Variants in QKI observed in about 807,000 individuals in gnomAD.
QKI encodes QKI, KH domain containing RNA binding.
QKI carries 10 observed loss-of-function variants against 39.0 expected under a neutral mutation model. The ratio of observed to expected loss-of-function variants is 0.26; its 90% CI spans 0.16 to 0.43. QKI has a LOEUF of 0.43. Ranked by LOEUF, QKI falls within the 20% of genes least tolerant of loss-of-function variation. The probability of loss-of-function intolerance (pLI) is 1.00; values close to 1 mark genes in which losing one functional copy is unlikely to be tolerated. For missense variants in QKI, 218 were observed against 428.0 expected (o/e 0.51, Z 4.33); for synonymous variants, 204 against 155.4 (o/e 1.31, Z -2.33).
intron 4 of QKI, among the ~76,000 whole-genome samples, chr6:163,549,879 C>T (rs1782121012): frequency 1.3e-5 from 2 of 152,178 alleles, no homozygotes; most frequent in South Asian, 4.1e-4. Flanking sequence ...ACTTTTTTAA[C>T]AGGTGTTTTA....
rs1375016973 is a variant in QKI, at chr6:163,576,835, C to A, written c.*6125C>A. The A allele has an allele frequency of 6.6e-6, 1 of 152,188 alleles. No homozygotes were observed. Among genetic ancestry groups the A allele is most frequent in the Non-Finnish European group, 1.5e-5 (1 of 68,042 alleles). The allele number at this position is 152,188 out of a possible 1,614,324, so 9.4% of individuals were successfully genotyped here. Reference sequence around the variant, plus strand: ...AAAGAAAATGTAAGAATTTGACATTCTGGAGTTATTATAACATTAGAAAAT... The same window carrying A: ...AAAGAAAATGTAAGAATTTGACATTATGGAGTTATTATAACATTAGAAAAT... On this transcript the variant is annotated 3_prime_UTR_variant, in exon 8 of 8. Transcript: ENST00000361752.
At chr6:163,490,775 G>C (rs1270652621) in intron 3 of QKI, among the ~76,000 whole-genome samples, 3 of 152,168 alleles carry the variant, frequency 2.0e-5, no homozygotes, top group Admixed American at 6.6e-5. Context: ...CTTGACAGTA[G>C]TGGAAGAGAT....
At chr6:163,551,495 T>A (rs1415937972) in intron 4 of QKI, among the ~76,000 whole-genome samples, 1 of 152,218 alleles carries the variant, frequency 6.6e-6, no homozygotes, top group African/African-American at 2.4e-5. Flanking sequence ...TCATTAGACA[T>A]CTGATGAAAC....
intron 4 of QKI, among the ~76,000 whole-genome samples, chr6:163,556,352 A>G (rs1359894491): frequency 3.3e-5 from 5 of 152,040 alleles, no homozygotes; most frequent in African/African-American, 7.2e-5. Flanking sequence ...ATCTCTACTA[A>G]ATACAAAAAA....
At chr6:163,528,098 A>G (rs1780622814) in intron 3 of QKI, among the ~76,000 whole-genome samples, 1 of 152,138 alleles carries the variant, frequency 6.6e-6, no homozygotes, top group South Asian at 2.1e-4. Context: ...ACTTACTCAG[A>G]AATTCATTTA....
At chr6:163,541,519 T>G (rs569327390) in intron 4 of QKI, among the ~76,000 whole-genome samples, 4 of 150,672 alleles carry the variant, frequency 2.7e-5, no homozygotes, top group Non-Finnish European at 5.9e-5. Context: ...TTTCCTTTTC[T>G]CTAGTTTTGT....
chr6:163,505,760 G>T (rs1779053634), intron 3 of QKI, among the ~76,000 whole-genome samples: 1 of 152,128 alleles, frequency 6.6e-6, no homozygotes, highest in Non-Finnish European at 1.5e-5. Context: ...CTCAGACTTT[G>T]ACTTTTGGGT....
chr6:163,569,528 C>T, intron 7 of QKI: 2 of 1,234,348 alleles, frequency 1.6e-6, no homozygotes, highest in African/African-American at 3.2e-5. Flanking sequence ...AATTATACTA[C>T]TGTTAAGTGG....
Position 163,415,171 on chromosome 6 carries a change from G to A in QKI, c.-23G>A, listed in dbSNP as rs748446416. ...GCGGCGGCGGCGGCGGCGGCGGGCG[G>A]AGTGAGCTGCGGAGCCTGGAATATG... On this transcript the variant is annotated 5_prime_UTR_variant, in exon 1 of 8. Transcript: ENST00000361752. The A allele has an allele frequency of 1.4e-6, 2 of 1,471,314 alleles. No individual in the cohort carries two copies. The highest frequency in any genetic ancestry group is 1.8e-6 in the Non-Finnish European group (2 of 1,099,250). 91.1% of individuals were successfully genotyped at this position (1,471,314 alleles called of 1,614,324 possible).
intron 3 of QKI, among the ~76,000 whole-genome samples, chr6:163,510,734 TAAC>T (rs992389091): frequency 6.6e-6 from 1 of 152,198 alleles, no homozygotes; most frequent in Non-Finnish European, 1.5e-5. Flanking sequence ...TTCTTCATAG[TAAC>T]AAAAGTTCAT....
intron 3 of QKI, among the ~76,000 whole-genome samples, chr6:163,524,922 G>A (rs892983161): frequency 7.9e-5 from 12 of 152,182 alleles, no homozygotes; most frequent in African/African-American, 2.9e-4. Context: ...GCTCTGAGAT[G>A]TAAGTACTAT....
chr6:163,522,177 A>T (rs1160490755), intron 3 of QKI, among the ~76,000 whole-genome samples: 1 of 152,162 alleles, frequency 6.6e-6, no homozygotes, highest in Non-Finnish European at 1.5e-5. Flanking sequence ...TATAACCTTG[A>T]TCAGTCAACC....
chr6:163,525,341 C>T (rs1311848201), intron 3 of QKI, among the ~76,000 whole-genome samples: 1 of 143,484 alleles, frequency 7.0e-6, no homozygotes, highest in Non-Finnish European at 1.5e-5. Flanking sequence ...TCTCTCTCTT[C>T]TTTCTTCTTT....
At chr6:163,564,297 G>A (rs990071209) in intron 6 of QKI, 1 of 998,448 alleles carries the variant, frequency 1.0e-6, no homozygotes, top group African/African-American at 1.7e-5. Context: ...GTACATCATA[G>A]AGTGTACTTA....
chr6:163,426,243 CTT>C (rs1301275880), intron 1 of QKI, among the ~76,000 whole-genome samples: 3 of 138,008 alleles, frequency 2.2e-5, no homozygotes, highest in Admixed American at 7.3e-5. Flanking sequence ...AGAACCATCT[CTT>C]TTTTTTTTTT....
rs193060032 is a variant in QKI at position 163,501,503 on chromosome 6, A to G, written c.402+22607A>G. Among the ~76,000 whole-genome samples, 362 of 152,350 alleles carry G rather than the reference A, an allele frequency of 2.4e-3. 3 individuals carry two copies. The highest frequency in any genetic ancestry group is 3.7e-3 in the South Asian group (18 of 4,832). Reference sequence around the variant, plus strand: ...ACTTGAAACTCTAAAATGAAAGGCAATCATCTTACGGGGAGGAGGGAGAAC... The same window carrying G: ...ACTTGAAACTCTAAAATGAAAGGCAGTCATCTTACGGGGAGGAGGGAGAAC... On this transcript the variant is annotated intron_variant, in intron 3 of 7. Coordinates refer to ENST00000361752, the MANE Select transcript of QKI (RefSeq NM_006775.3).
chr6:163,429,880 C>T (rs976061938), intron 1 of QKI, among the ~76,000 whole-genome samples: 5 of 152,100 alleles, frequency 3.3e-5, no homozygotes, highest in African/African-American at 1.2e-4. Flanking sequence ...TTCATTCCTT[C>T]AAGTTATCTC....
chr6:163,520,360 CATTT>C (rs1018561688), intron 3 of QKI, among the ~76,000 whole-genome samples: 1 of 151,814 alleles, frequency 6.6e-6, no homozygotes, highest in African/African-American at 2.4e-5. Flanking sequence ...TAAAAAATGG[CATTT>C]ATTAAAAAAA....
chr6:163,530,894 C>T (rs1331353454), intron 3 of QKI, among the ~76,000 whole-genome samples: 3 of 152,020 alleles, frequency 2.0e-5, no homozygotes, highest in Non-Finnish European at 2.9e-5. Context: ...CTCAGTTTTG[C>T]GAAAAATATA....
Sources: allele counts gnomAD v4.1 joint callset (sites outside exome capture counted in the v4.1 genomes callset), GRCh38; gene constraint gnomAD v4.1.1; transcripts MANE v1.5; gene names NCBI Gene and HGNC (gene_info 2026-07-23, HGNC 2026-07-21).